The following GSK3B variants were observed in gnomAD, a reference collection of about 807,000 sequenced individuals.
GSK3B encodes the protein glycogen synthase kinase 3 beta.
GSK3B carries 15 observed loss-of-function variants against 56.4 expected under a neutral mutation model. That is an observed-to-expected ratio of 0.27 (90% CI 0.18 to 0.41). The LOEUF is 0.41. Ranked by LOEUF, GSK3B falls within the 10% of genes least tolerant of loss-of-function variation. The pLI is 1.00. For missense variants in GSK3B, 300 were observed against 513.4 expected (o/e 0.58, Z 4.02); for synonymous variants, 181 against 188.9 (o/e 0.96, Z 0.34).
intron 2 of GSK3B, among the ~76,000 whole-genome samples, chr3:119,992,933 A>G (rs1391776282): frequency 6.6e-6 from 1 of 152,088 alleles, no homozygotes; most frequent in African/African-American, 2.4e-5. Context: ...GGCAACTTTT[A>G]TAGCCAAAAC....
intron 1 of GSK3B, among the ~76,000 whole-genome samples, chr3:120,017,705 T>C (rs532013104): frequency 6.6e-6 from 1 of 152,222 alleles, no homozygotes; most frequent in South Asian, 2.1e-4. Flanking sequence ...TTACTCTAAG[T>C]CAGTCCTACA....
chr3:119,889,610 T>G (rs756659888), intron 7 of GSK3B, among the ~76,000 whole-genome samples: 1 of 151,810 alleles, frequency 6.6e-6, no homozygotes, highest in Non-Finnish European at 1.5e-5. Flanking sequence ...AATCCATAGG[T>G]GGCAGTAAAA....
intron 10 of GSK3B, among the ~76,000 whole-genome samples, chr3:119,842,213 G>A (rs1027741264): frequency 6.6e-6 from 1 of 152,064 alleles, no homozygotes; most frequent in African/African-American, 2.4e-5. Context: ...TTAAGGGTTG[G>A]ATATTTTCAG....
Position 120,093,448 on chromosome 3 carries a change from G to C in GSK3B, c.-14C>G, listed in dbSNP as rs1450025397. ...CCGCCCTGACATGATCACTCTCTTC[G>C]CGAATCACCTTTTCCTTCCTTCCTC... is the stretch of plus-strand genomic sequence containing the variant. On this transcript the variant is annotated 5_prime_UTR_variant, in exon 1 of 11. Coordinates refer to ENST00000264235, the MANE Select transcript of GSK3B (RefSeq NM_001146156.2). The C allele has an allele frequency of 1.3e-6, 2 of 1,570,898 alleles. No homozygotes were observed. Among genetic ancestry groups the C allele is most frequent in the South Asian group, 1.1e-5 (1 of 90,208 alleles).
At chr3:120,087,025 T>C (rs2058468909) in intron 1 of GSK3B, among the ~76,000 whole-genome samples, 1 of 152,148 alleles carries the variant, frequency 6.6e-6, no homozygotes, top group Non-Finnish European at 1.5e-5. Flanking sequence ...GAATTACAAC[T>C]ATATGTTAAA....
At chr3:119,933,045 C>T (rs1398347672) in intron 3 of GSK3B, among the ~76,000 whole-genome samples, 2 of 152,046 alleles carry the variant, frequency 1.3e-5, no homozygotes, top group African/African-American at 2.4e-5. Context: ...TTGCAGTGAT[C>T]GAAATCATGC....
intron 2 of GSK3B, among the ~76,000 whole-genome samples, chr3:119,973,457 T>C (rs1265868973): frequency 6.6e-6 from 1 of 152,224 alleles, no homozygotes; most frequent in African/African-American, 2.4e-5. Flanking sequence ...GACATTATTA[T>C]GGCTCACTGA....
intron 1 of GSK3B, among the ~76,000 whole-genome samples, chr3:120,004,858 C>G (rs889496777): frequency 1.3e-5 from 2 of 152,078 alleles, no homozygotes; most frequent in Admixed American, 1.3e-4. Context: ...AAAACCATAA[C>G]GCCTCTTCTC....
At chr3:120,049,620 T>C (rs2058131143) in intron 1 of GSK3B, among the ~76,000 whole-genome samples, 1 of 152,186 alleles carries the variant, frequency 6.6e-6, no homozygotes, top group Non-Finnish European at 1.5e-5. Context: ...TACACCATGA[T>C]AAAGGACTTA....
chr3:119,898,971 A>T (rs1261264267), intron 7 of GSK3B, among the ~76,000 whole-genome samples: 1 of 152,142 alleles, frequency 6.6e-6, no homozygotes, highest in African/African-American at 2.4e-5. Context: ...CCTATGTGGT[A>T]AGATGAAGTG....
Position 119,894,763 on chromosome 3 carries a change from A to G in GSK3B, c.813+10992T>C, listed in dbSNP as rs960034036. ...ATTTGACAAAGTCCAATTTACTTCT[A>G]TTTTCTTTTATAATGTGTGCTTTTT... On this transcript the variant is annotated intron_variant, in intron 7 of 10. Coordinates refer to ENST00000264235, the MANE Select transcript of GSK3B (RefSeq NM_001146156.2). 3.3e-5 allele frequency among the ~76,000 whole-genome samples: 5 copies of G among 152,056 alleles called. No homozygotes were observed. In the East Asian group the frequency reaches 7.7e-4, roughly 24 times the overall value.
chr3:120,015,976 A>C (rs1205394308), intron 1 of GSK3B, among the ~76,000 whole-genome samples: 2 of 152,192 alleles, frequency 1.3e-5, no homozygotes, highest in African/African-American at 4.8e-5. Flanking sequence ...CAAATGACTC[A>C]ATGTCCCACA....
intron 3 of GSK3B, among the ~76,000 whole-genome samples, chr3:119,941,401 T>C (rs1242357628): frequency 6.6e-6 from 1 of 152,226 alleles, no homozygotes; most frequent in East Asian, 1.9e-4. Flanking sequence ...AGCACACTGC[T>C]TCTGGAGGAA....
At chr3:119,938,444 T>G (rs561820749) in intron 3 of GSK3B, among the ~76,000 whole-genome samples, 36 of 152,188 alleles carry the variant, frequency 2.4e-4, no homozygotes, top group African/African-American at 8.4e-4. Context: ...AAGATTGGGG[T>G]ATAATCCTTT....
chr3:119,861,363 T>G (rs149210549), intron 9 of GSK3B, among the ~76,000 whole-genome samples: 15 of 151,734 alleles, frequency 9.9e-5, no homozygotes, highest in Non-Finnish European at 1.8e-4. Context: ...ATACAAAAAT[T>G]AGCCAGGTAT....
In GSK3B at chr3:119,867,199, A is replaced by C. The variant is rs534156233; in HGVS notation, c.910-3594T>G. On this transcript the variant is annotated intron_variant, in intron 8 of 10. Coordinates refer to ENST00000264235, the MANE Select transcript of GSK3B (RefSeq NM_001146156.2). The stretch of plus-strand genomic sequence containing the variant: ...TTTAAGTTATATTACTATAGATTTC[A>C]AGCCAGATACTTTCAATTTGTGTGA... Among the ~76,000 whole-genome samples the C allele has an allele frequency of 2.0e-5, 3 of 152,226 alleles. No homozygotes were observed. In the South Asian group the frequency reaches 6.2e-4, roughly 31 times the overall value.
chr3:120,079,502 C>T (rs1391462696), intron 1 of GSK3B, among the ~76,000 whole-genome samples: 1 of 152,106 alleles, frequency 6.6e-6, no homozygotes, highest in East Asian at 1.9e-4. Context: ...CCAAACGATT[C>T]TCCTGCCTTA....
chr3:119,977,305 GA>G (rs1169968703), intron 2 of GSK3B, among the ~76,000 whole-genome samples: 1 of 152,058 alleles, frequency 6.6e-6, no homozygotes, highest in African/African-American at 2.4e-5. Flanking sequence ...CCACTGCAAG[GA>G]ACATCATTAT....
chr3:119,997,766 G>C (rs1312190801), intron 2 of GSK3B, among the ~76,000 whole-genome samples: 1 of 151,988 alleles, frequency 6.6e-6, no homozygotes, highest in Non-Finnish European at 1.5e-5. Flanking sequence ...GAAAAGAAAA[G>C]GAAACCCAGA....
Sources: gnomAD v4.1 joint callset for allele counts (sites outside exome capture counted in the v4.1 genomes callset) on GRCh38, gnomAD v4.1.1 for gene constraint, MANE v1.5 for transcripts, NCBI Gene and HGNC (gene_info 2026-07-23, HGNC 2026-07-21) for gene names.